The following CAB39 variants were observed in gnomAD, a reference collection of about 807,000 sequenced individuals.
The protein encoded by CAB39 is calcium-binding protein 39.
Under a neutral mutation model 40.0 loss-of-function variants are expected in CAB39, and 8 were observed. The ratio of observed to expected loss-of-function variants is 0.20; its 90% confidence interval spans 0.12 to 0.36. The LOEUF (loss-of-function observed/expected upper bound fraction) is 0.36, where lower values mean the gene tolerates loss of function less well. Ranked by LOEUF, CAB39 falls within the 10% of genes least tolerant of loss-of-function variation. The pLI, the probability that CAB39 is intolerant of heterozygous loss-of-function variation, is 1.00. For missense variants in CAB39, 270 were observed against 401.1 expected, an observed-to-expected ratio of 0.67 and a Z score of 2.79; for synonymous variants, 156 against 141.6, an observed-to-expected ratio of 1.10 and a Z score of -0.72.
At chr2:230,731,671 A>G (rs183883864) in intron 1 of CAB39, among the ~76,000 whole-genome samples, 1 of 152,182 alleles carries the variant, frequency 6.6e-6, no homozygotes, top group East Asian at 1.9e-4. Flanking sequence ...CCTAATTTTT[A>G]AATTTCTTGT....
At chr2:230,788,110 A>G (rs1455306551) in intron 2 of CAB39, among the ~76,000 whole-genome samples, 2 of 152,238 alleles carry the variant, frequency 1.3e-5, no homozygotes. Context: ...GTGCAAAGTA[A>G]TCTTGAAGTA....
Position 230,798,882 on chromosome 2 carries a change from A to G in CAB39, c.552A>G (p.Ala184=). The G allele has an allele frequency of 6.3e-7, 1 of 1,590,290 alleles. No homozygotes were observed. Among genetic ancestry groups the G allele is most frequent in the South Asian group, 1.1e-5 (1 of 88,656 alleles). Residue 184 remains alanine, a synonymous_variant, in exon 5 of 9, where the codon GCA becomes GCG. Transcript: ENST00000258418. The part of the protein sequence containing the change: ...EMSTFDIASD[A]FATFKDLLTR... ...CAACATTTGACATAGCTTCAGATGCATTTGCCACATTCAAGGTAACAAAAA... is the reference window on the plus strand; with the variant it reads ...CAACATTTGACATAGCTTCAGATGCGTTTGCCACATTCAAGGTAACAAAAA...
At chr2:230,776,542 C>G (rs114874402) in intron 2 of CAB39, among the ~76,000 whole-genome samples, 2,996 of 152,256 alleles carry the variant, frequency 0.02, 91 homozygotes, top group African/African-American at 0.068. Context: ...TAAATAGAAT[C>G]ATATAGTGTG....
intron 1 of CAB39, among the ~76,000 whole-genome samples, chr2:230,745,098 A>G (rs1694949620): frequency 1.3e-5 from 2 of 152,256 alleles, no homozygotes; most frequent in African/African-American, 4.8e-5. Context: ...TAAACAATAC[A>G]TTCACTAAGC....
At chr2:230,789,787 GCCTCTTCAACTAATGGAGAACA>G (rs1695860956) in intron 2 of CAB39, among the ~76,000 whole-genome samples, 1 of 152,170 alleles carries the variant, frequency 6.6e-6, no homozygotes, top group South Asian at 2.1e-4. Flanking sequence ...TGCCAGGTCT[GCCTCTTCAACTAATGGAGAACA>G]CCTCTTCTGG....
chr2:230,818,413 T>TAATGA, intron 8 of CAB39, 103 bp from the exon 9 acceptor site: 1 of 895,880 alleles, frequency 1.1e-6, no homozygotes, highest in Non-Finnish European at 1.7e-6. Flanking sequence ...TTCAGCGCCA[T>TAATGA]CCCAGGAGAG....
intron 1 of CAB39, among the ~76,000 whole-genome samples, chr2:230,759,174 G>A (rs2124917934): frequency 6.6e-6 from 1 of 152,222 alleles, no homozygotes; most frequent in East Asian, 1.9e-4. Context: ...TGTCACATAG[G>A]GGATTACAGG....
At chr2:230,753,701 A>C (rs1695129844) in intron 1 of CAB39, among the ~76,000 whole-genome samples, 1 of 149,692 alleles carries the variant, frequency 6.7e-6, no homozygotes, top group Admixed American at 6.7e-5. Context: ...CTGAGATCGC[A>C]CCACTGCACT....
At chr2:230,737,482 C>A (rs1396039364) in intron 1 of CAB39, among the ~76,000 whole-genome samples, 1 of 152,084 alleles carries the variant, frequency 6.6e-6, no homozygotes, top group East Asian at 1.9e-4. Context: ...TAACAATAAC[C>A]CCAGCATTTG....
chr2:230,775,052 C>G (rs1203254003), intron 2 of CAB39, among the ~76,000 whole-genome samples: 2 of 151,798 alleles, frequency 1.3e-5, no homozygotes, highest in African/African-American at 4.8e-5. Flanking sequence ...TTAATCTCTT[C>G]TTGTAGAATG....
intron 2 of CAB39, among the ~76,000 whole-genome samples, chr2:230,774,834 T>C (rs1464059705): frequency 6.6e-6 from 1 of 152,102 alleles, no homozygotes; most frequent in Non-Finnish European, 1.5e-5. Flanking sequence ...ATCATTCAGC[T>C]TAGACTATGC....
At chr2:230,814,539 C>G (rs894804887) in intron 7 of CAB39, among the ~76,000 whole-genome samples, 1 of 152,104 alleles carries the variant, frequency 6.6e-6, no homozygotes, top group Admixed American at 6.5e-5. Context: ...TGTATCAAAG[C>G]AGGATATCCT....
chr2:230,776,215 T>C (rs535685612), intron 2 of CAB39, among the ~76,000 whole-genome samples: 66 of 151,880 alleles, frequency 4.3e-4, no homozygotes, highest in Admixed American at 3.1e-3. Context: ...TGAGGGGGAG[T>C]GCAAGAGGTC....
At chr2:230,764,666 T>C (rs1311533221) in intron 2 of CAB39, among the ~76,000 whole-genome samples, 1 of 152,246 alleles carries the variant, frequency 6.6e-6, no homozygotes, top group African/African-American at 2.4e-5. Context: ...GAATTCAGAT[T>C]TGGCAACAAA....
At chr2:230,760,825 T>C (rs1043966313) in intron 2 of CAB39, among the ~76,000 whole-genome samples, 3 of 152,240 alleles carry the variant, frequency 2.0e-5, no homozygotes, top group Admixed American at 1.3e-4. Flanking sequence ...CTAAATTGTT[T>C]ATGATTCAGT....
chr2:230,810,408 G>T, intron 6 of CAB39, 86 bp downstream of exon 6: 1 of 541,114 alleles, frequency 1.8e-6, no homozygotes, highest in Non-Finnish European at 3.3e-6. Flanking sequence ...TTTTGTACTA[G>T]AATATTTATT....
At chr2:230,776,716 A>G (rs2124939020) in intron 2 of CAB39, among the ~76,000 whole-genome samples, 1 of 148,702 alleles carries the variant, frequency 6.7e-6, no homozygotes, top group South Asian at 2.1e-4. Context: ...CCCGAGATGG[A>G]GTCTCGCTCT....
chr2:230,791,808 G>A (rs1695897448), intron 3 of CAB39, among the ~76,000 whole-genome samples: 1 of 152,152 alleles, frequency 6.6e-6, no homozygotes, highest in South Asian at 2.1e-4. Context: ...AATATTTAGT[G>A]GATTTAACAG....
intron 1 of CAB39, among the ~76,000 whole-genome samples, chr2:230,723,386 A>G (rs565265496): frequency 3.3e-5 from 5 of 151,466 alleles, no homozygotes; most frequent in African/African-American, 1.2e-4. Context: ...AACCCACCCC[A>G]CTTAAATGTT....
Sources: gnomAD v4.1 joint callset for allele counts (sites outside exome capture counted in the v4.1 genomes callset) on GRCh38, gnomAD v4.1.1 for gene constraint, MANE v1.5 for transcripts, NCBI Gene and HGNC (gene_info 2026-07-23, HGNC 2026-07-21) for gene names.